Variants in AFG2A observed in about 807,000 individuals in gnomAD.
The protein encoded by AFG2A is AAA ATPase AFG2A.
the AFG2A span, among the ~76,000 whole-genome samples, chr4:123,247,176 A>G: frequency 6.6e-6 from 1 of 151,910 alleles, no homozygotes; most frequent in Non-Finnish European, 1.5e-5. Context: ...ATAAATACAC[A>G]TCTCAAATGG....
At chr4:123,027,098 G>A in the AFG2A span, among the ~76,000 whole-genome samples, 45 of 152,108 alleles carry the variant, frequency 3.0e-4, no homozygotes, top group African/African-American at 8.9e-4. Context: ...GTATCTGCAT[G>A]TGTTTACTCT....
chr4:123,018,675 C>G, the AFG2A span, among the ~76,000 whole-genome samples: 1 of 151,918 alleles, frequency 6.6e-6, no homozygotes, highest in Admixed American at 6.6e-5. Context: ...GCTGTGTCAC[C>G]CAGGCTAGAG....
chr4:123,268,220 G>A, the AFG2A span, among the ~76,000 whole-genome samples: 1 of 151,952 alleles, frequency 6.6e-6, no homozygotes, highest in African/African-American at 2.4e-5. Context: ...AGAGAGACAA[G>A]AATAATATGG....
the AFG2A span, among the ~76,000 whole-genome samples, chr4:123,109,239 T>A: frequency 6.6e-6 from 1 of 152,182 alleles, no homozygotes; most frequent in Admixed American, 6.5e-5. Context: ...ATCTCTATAC[T>A]CCCAGGAAAA....
At chr4:123,088,710 C>T in the AFG2A span, among the ~76,000 whole-genome samples, 1 of 152,120 alleles carries the variant, frequency 6.6e-6, no homozygotes, top group African/African-American at 2.4e-5. Flanking sequence ...GCACTTCCCC[C>T]TTCGTGCTCT....
chr4:123,171,189 A>G, the AFG2A span, among the ~76,000 whole-genome samples: 1 of 152,120 alleles, frequency 6.6e-6, no homozygotes, highest in Admixed American at 6.6e-5. Context: ...TCCCTTGTAG[A>G]TTTTTGTAAC....
the AFG2A span, among the ~76,000 whole-genome samples, chr4:123,007,481 A>G: frequency 6.6e-6 from 1 of 150,970 alleles, no homozygotes; most frequent in East Asian, 2.0e-4. Flanking sequence ...GTCTCTGTAC[A>G]GGGGAGCTGT....
chr4:123,041,736 CA>C, the AFG2A span, among the ~76,000 whole-genome samples: 9 of 151,296 alleles, frequency 5.9e-5, no homozygotes, highest in Admixed American at 2.0e-4. Context: ...CCATGTTGGT[CA>C]GGCTGGTCTT....
At chr4:123,185,623 C>G in the AFG2A span, among the ~76,000 whole-genome samples, 1 of 152,032 alleles carries the variant, frequency 6.6e-6, no homozygotes, top group African/African-American at 2.4e-5. Context: ...TTACCTCTTA[C>G]CAAAATAAGA....
chr4:123,122,748 A>G, the AFG2A span, among the ~76,000 whole-genome samples: 3 of 147,952 alleles, frequency 2.0e-5, no homozygotes, highest in Non-Finnish European at 4.5e-5. Flanking sequence ...ATAGAAAACT[A>G]CTTTTTTTTT....
the AFG2A span, among the ~76,000 whole-genome samples, chr4:123,153,381 C>T: frequency 6.6e-5 from 10 of 152,204 alleles, no homozygotes; most frequent in Admixed American, 6.5e-4. Flanking sequence ...TTTGATAGAG[C>T]ATCTCACAGG....
chr4:123,305,470 C>G, the AFG2A span, among the ~76,000 whole-genome samples: 1 of 152,168 alleles, frequency 6.6e-6, no homozygotes, highest in Non-Finnish European at 1.5e-5. Context: ...CTACCCAGGT[C>G]TTATCTGGAA....
chr4:123,002,520 C>A, the AFG2A span, among the ~76,000 whole-genome samples: 1 of 152,110 alleles, frequency 6.6e-6, no homozygotes, highest in Non-Finnish European at 1.5e-5. Context: ...AATCTCTCAG[C>A]ATTTGCTTGT....
At chr4:122,932,773 A>G in the AFG2A span, among the ~76,000 whole-genome samples, 1 of 152,172 alleles carries the variant, frequency 6.6e-6, no homozygotes, top group Non-Finnish European at 1.5e-5. Context: ...CTTTCTCCAG[A>G]AAAAAACCTT....
the AFG2A span, among the ~76,000 whole-genome samples, chr4:123,007,606 G>A: frequency 0.031 from 915 of 29,758 alleles, 15 homozygotes; most frequent in Middle Eastern, 0.17. Flanking sequence ...GTGTGTGTGT[G>A]TGTATATATA....
At chr4:122,971,277 T>G in the AFG2A span, among the ~76,000 whole-genome samples, 3 of 152,058 alleles carry the variant, frequency 2.0e-5, no homozygotes, top group African/African-American at 4.8e-5. Context: ...CGTGGTGGTA[T>G]GCACCTGTAG....
At chr4:122,953,376 C>A in the AFG2A span, among the ~76,000 whole-genome samples, 700 of 152,324 alleles carry the variant, frequency 4.6e-3, 3 homozygotes, top group Non-Finnish European at 5.8e-3. Context: ...GCCATTTTAG[C>A]CCCTTGGAAC....
At chr4:123,218,456 T>G in the AFG2A span, among the ~76,000 whole-genome samples, 3 of 152,160 alleles carry the variant, frequency 2.0e-5, no homozygotes, top group Non-Finnish European at 4.4e-5. Context: ...TGGCAATTAT[T>G]TTGTTTACTT....
the AFG2A span, among the ~76,000 whole-genome samples, chr4:123,176,458 A>G: frequency 6.6e-6 from 1 of 152,246 alleles, no homozygotes; most frequent in Non-Finnish European, 1.5e-5. Context: ...AGTGATTATT[A>G]AAAAGGGCTT....
Sources: allele counts gnomAD v4.1 joint callset (sites outside exome capture counted in the v4.1 genomes callset), GRCh38; gene constraint gnomAD v4.1.1; transcripts MANE v1.5; gene names NCBI Gene and HGNC (gene_info 2026-07-23, HGNC 2026-07-21).